PCNX2: variants seen among roughly 807,000 people sequenced by gnomAD.
The protein encoded by PCNX2 is pecanex-like protein 2.
In PCNX2, 168 loss-of-function variants were observed where a neutral mutation model predicts 223.8. The ratio of observed to expected loss-of-function variants is 0.75; its 90% CI spans 0.66 to 0.85. The LOEUF (loss-of-function observed/expected upper bound fraction) is 0.85, where lower values mean the gene tolerates loss of function less well. Among genes scored for constraint, PCNX2 ranks in the 40% least tolerant of loss-of-function variants. The pLI, the probability that PCNX2 is intolerant of heterozygous loss-of-function variation, is 0.00. For missense variants in PCNX2, 2,507 were observed against 2,675.5 expected, an observed-to-expected ratio of 0.94 and a Z score of 1.39; for synonymous variants, 1,006 against 1,052.6, an observed-to-expected ratio of 0.96 and a Z score of 0.86.
intron 19 of PCNX2, among the ~76,000 whole-genome samples, chr1:233,158,063 C>T (rs1678236725): frequency 6.6e-6 from 1 of 152,076 alleles, no homozygotes. Context: ...ACTCACTTTA[C>T]TTGTTCTTGA....
At chr1:233,033,237 T>C (rs1338580879) in intron 25 of PCNX2, 1 of 965,044 alleles carries the variant, frequency 1.0e-6, no homozygotes, top group African/African-American at 1.8e-5. Context: ...CCAGACTTAT[T>C]TATTCCCACC....
At chr1:233,260,172 T>C (rs1659973223) in intron 4 of PCNX2, among the ~76,000 whole-genome samples, 1 of 152,204 alleles carries the variant, frequency 6.6e-6, no homozygotes, top group Non-Finnish European at 1.5e-5. Context: ...ACTGCAGTGT[T>C]GCTAAGAAAC....
At chr1:233,008,317 T>C (rs1345038900) in intron 28 of PCNX2, among the ~76,000 whole-genome samples, 1 of 152,160 alleles carries the variant, frequency 6.6e-6, no homozygotes, top group Admixed American at 6.5e-5. Flanking sequence ...CCAAGGTGCT[T>C]CACTTCCTCT....
intron 17 of PCNX2, among the ~76,000 whole-genome samples, chr1:233,166,702 A>C (rs938319170): frequency 6.6e-6 from 1 of 152,216 alleles, no homozygotes; most frequent in African/African-American, 2.4e-5. Flanking sequence ...CAAAATCAAA[A>C]GGAAACAGTT....
intron 23 of PCNX2, among the ~76,000 whole-genome samples, chr1:233,075,247 T>A (rs1163371465): frequency 6.6e-6 from 1 of 152,148 alleles, no homozygotes; most frequent in African/African-American, 2.4e-5. Context: ...CTCAGCAATA[T>A]AATAAAATAA....
chr1:233,019,075 T>G, intron 26 of PCNX2: 1 of 985,294 alleles, frequency 1.0e-6, no homozygotes, highest in Non-Finnish European at 1.2e-6. Context: ...TACTTGGGTA[T>G]CTGGTTTCAA....
chr1:233,189,875 A>T (rs74735326), intron 15 of PCNX2, among the ~76,000 whole-genome samples: 168 of 152,332 alleles, frequency 1.1e-3, no homozygotes, highest in African/African-American at 3.8e-3. Context: ...TTCTCCGAGG[A>T]GCAAATATTC....
At chr1:233,173,420 C>A (rs539965879) in intron 17 of PCNX2, among the ~76,000 whole-genome samples, 2 of 152,306 alleles carry the variant, frequency 1.3e-5, no homozygotes, top group African/African-American at 4.8e-5. Flanking sequence ...CCCGCCTCGG[C>A]CTCCGAAAGT....
At chr1:233,264,519 C>A (rs940164905) in intron 1 of PCNX2, among the ~76,000 whole-genome samples, 21 of 149,942 alleles carry the variant, frequency 1.4e-4, no homozygotes, top group African/African-American at 5.1e-4. Context: ...CCAAACAGAG[C>A]ACAAAAAAGA....
At chr1:233,106,176 C>T (rs1319318804) in intron 21 of PCNX2, among the ~76,000 whole-genome samples, 1 of 152,172 alleles carries the variant, frequency 6.6e-6, no homozygotes, top group Non-Finnish European at 1.5e-5. Context: ...TATGCACACA[C>T]TCTGTCTTCC....
chr1:233,142,711 TG>T (rs1296489576), intron 19 of PCNX2, among the ~76,000 whole-genome samples: 1 of 152,178 alleles, frequency 6.6e-6, no homozygotes, highest in African/African-American at 2.4e-5. Flanking sequence ...TGCCCTGACA[TG>T]CATGTGGCAG....
intron 5 of PCNX2, 103 bp downstream of exon 5, chr1:233,257,925 G>C: frequency 7.1e-7 from 1 of 1,414,072 alleles, no homozygotes; most frequent in Non-Finnish European, 9.4e-7. Flanking sequence ...GATTGCCCAA[G>C]AGTTGTCTCA....
chr1:233,153,245 T>A (rs1677924494), intron 19 of PCNX2, among the ~76,000 whole-genome samples: 1 of 152,090 alleles, frequency 6.6e-6, no homozygotes, highest in Non-Finnish European at 1.5e-5. Context: ...CTCATGTGCC[T>A]CTTCTCAGGG....
At chr1:233,055,052 G>T (rs1672143806) in intron 24 of PCNX2, among the ~76,000 whole-genome samples, 1 of 152,292 alleles carries the variant, frequency 6.6e-6, no homozygotes, top group Admixed American at 6.5e-5. Flanking sequence ...GCTACAGTTT[G>T]TTTATCCATT....
At chr1:233,248,288 G>A (rs1659247057) in intron 8 of PCNX2, among the ~76,000 whole-genome samples, 2 of 151,980 alleles carry the variant, frequency 1.3e-5, no homozygotes, top group African/African-American at 4.8e-5. Context: ...CAGTCTCGGG[G>A]GAACCTCGAA....
intron 20 of PCNX2, among the ~76,000 whole-genome samples, chr1:233,138,625 T>G (rs550558494): frequency 2.0e-5 from 3 of 152,210 alleles, no homozygotes; most frequent in Non-Finnish European, 4.4e-5. Flanking sequence ...CCACTTAAAC[T>G]GTATAAGGGG....
intron 23 of PCNX2, among the ~76,000 whole-genome samples, chr1:233,062,767 G>C (rs941995221): frequency 6.6e-6 from 1 of 151,934 alleles, no homozygotes; most frequent in Non-Finnish European, 1.5e-5. Context: ...TTGTTTCTTT[G>C]ATTTTTAAAC....
At chr1:233,279,810 G>A (rs950907314) in intron 1 of PCNX2, among the ~76,000 whole-genome samples, 14 of 151,946 alleles carry the variant, frequency 9.2e-5, no homozygotes, top group Non-Finnish European at 1.9e-4. Context: ...TTGCCTTTAT[G>A]TTGTATCAGG....
chr1:233,212,013 G>A (rs1681846786), intron 12 of PCNX2, among the ~76,000 whole-genome samples: 1 of 152,106 alleles, frequency 6.6e-6, no homozygotes, highest in South Asian at 2.1e-4. Flanking sequence ...CTGCAACAAG[G>A]GTTTGCTGTG....
Sources: gnomAD v4.1 joint callset for allele counts (sites outside exome capture counted in the v4.1 genomes callset) on GRCh38, gnomAD v4.1.1 for gene constraint, MANE v1.5 for transcripts, NCBI Gene and HGNC (gene_info 2026-07-23, HGNC 2026-07-21) for gene names.